Variants in CACUL1 observed in about 807,000 individuals in gnomAD.
CACUL1 encodes CDK2 associated cullin domain 1.
In CACUL1, 13 loss-of-function variants were observed where a neutral mutation model predicts 45.2. That is an observed-to-expected ratio of 0.29 (90% confidence interval 0.19 to 0.46). The LOEUF (loss-of-function observed/expected upper bound fraction) is 0.46. CACUL1 is among the 20% of genes least tolerant of loss of function. The pLI, the probability that CACUL1 is intolerant of heterozygous loss-of-function variation, is 1.00. For synonymous variants in CACUL1, 197 were observed against 174.2 expected (o/e 1.13, Z -1.03); for missense variants, 421 against 471.4 (o/e 0.89, Z 0.99).
Position 118,701,184 on chromosome 10 carries a change from G to A in CACUL1, c.796+122C>T, listed in dbSNP as rs531398673. 1.8e-5 allele frequency: 9 copies of A among 508,368 alleles called. No individual in the cohort carries two copies. The South Asian group carries it at 2.0e-4, about 11-fold the overall frequency. 31.5% of individuals were successfully genotyped at this position (508,368 alleles called of 1,614,324 possible). On this transcript the variant is annotated intron_variant, in intron 5 of 8. Coordinates refer to ENST00000369151, the MANE Select transcript of CACUL1 (RefSeq NM_153810.5). ...TCTCAGGTGGGCTTCAACACTTCCT[G>A]CTATCTGGTTCAGAAGATGTTAACA... is the stretch of plus-strand genomic sequence containing the variant.
At position 118,754,870 on chromosome 10, in the gene CACUL1, T is replaced by A. The variant is rs547570266; in HGVS notation, c.-108A>T. 85 of 1,438,434 alleles carry A rather than the reference T, an allele frequency of 5.9e-5. No individual in the cohort carries two copies. In the African/African-American group the frequency reaches 9.4e-4, roughly 16 times the overall value. The allele number at this position is 1,438,434 out of a possible 1,614,324, so 89.1% of individuals were successfully genotyped here. ...CGAGTTACATCGCCGGCGGCAGGAA[T>A]GGGCGCAGCGGAGAGGGCTGCGGTG... On this transcript the variant is annotated 5_prime_UTR_variant, in exon 1 of 9. Transcript: ENST00000369151.
intron 1 of CACUL1, among the ~76,000 whole-genome samples, chr10:118,733,191 C>A (rs915876304): frequency 6.6e-6 from 1 of 152,166 alleles, no homozygotes; most frequent in African/African-American, 2.4e-5. Context: ...TAAAGTCCTG[C>A]AGTTCTAAGT....
chr10:118,729,517 G>A (rs1845680046), intron 2 of CACUL1, 120 bp from the exon 3 acceptor site: 3 of 684,522 alleles, frequency 4.4e-6, no homozygotes, highest in African/African-American at 3.6e-5. Context: ...CCTTCAAAAA[G>A]TAACCAATCA....
intron 3 of CACUL1, among the ~76,000 whole-genome samples, chr10:118,716,488 G>A (rs1465275106): frequency 6.6e-6 from 1 of 151,952 alleles, no homozygotes; most frequent in African/African-American, 2.4e-5. Flanking sequence ...CCTTGTCACT[G>A]GATACTTAGG....
chr10:118,754,619 A>G lies in CACUL1; in HGVS notation c.144T>C (p.Pro48=). ...PPPPPSSIPA[P]AREPPGGQLL... is the part of the protein sequence containing the mutation. Reference sequence around the variant, plus strand: ...GCTGCCCCCCCGGAGGCTCTCGGGCAGGGGCCGGGATCGACGAGGGGGGCG... The same window carrying G: ...GCTGCCCCCCCGGAGGCTCTCGGGCGGGGGCCGGGATCGACGAGGGGGGCG... The change falls in exon 1 of 9, where the codon CCT becomes CCC. Residue 48 remains proline, a synonymous_variant. Transcript: ENST00000369151. 6.2e-7 allele frequency: 1 copy of G among 1,608,358 alleles called. No individual in the cohort carries two copies. Among genetic ancestry groups the G allele is most frequent in the Non-Finnish European group, 8.5e-7 (1 of 1,177,624 alleles).
At chr10:118,737,101 A>G (rs540656216) in intron 1 of CACUL1, among the ~76,000 whole-genome samples, 11 of 151,596 alleles carry the variant, frequency 7.3e-5, no homozygotes, top group African/African-American at 2.7e-4. Context: ...AAAGCATGAC[A>G]GTACTTTAAC....
chr10:118,739,447 T>C (rs1845771807), intron 1 of CACUL1, among the ~76,000 whole-genome samples: 1 of 152,196 alleles, frequency 6.6e-6, no homozygotes, highest in South Asian at 2.1e-4. Flanking sequence ...ACCTGACTTC[T>C]CCATTTTAAT....
At chr10:118,728,853 G>A (rs1191914575) in intron 3 of CACUL1, among the ~76,000 whole-genome samples, 1 of 152,060 alleles carries the variant, frequency 6.6e-6, no homozygotes, top group Non-Finnish European at 1.5e-5. Context: ...ATTTACAGGA[G>A]GTTTATCAAT....
chr10:118,751,773 T>C (rs532986498), intron 1 of CACUL1, among the ~76,000 whole-genome samples: 15 of 152,342 alleles, frequency 9.8e-5, no homozygotes, highest in African/African-American at 2.9e-4. Context: ...AATTTATAAA[T>C]TGGAGAAAAT....
In CACUL1 at chr10:118,681,181, T is replaced by C. The variant is rs1310813680; in HGVS notation, c.*4947A>G. On this transcript the variant is annotated 3_prime_UTR_variant, in exon 9 of 9. Coordinates refer to ENST00000369151, the MANE Select transcript of CACUL1 (RefSeq NM_153810.5). ...TAAAGAGATGATGTGCAGAACGCCC[T>C]GTGCTGAGCTCACTATGGCTTCTGA... is the stretch of plus-strand genomic sequence containing the variant. 1.3e-5 allele frequency: 2 copies of C among 152,260 alleles called. No homozygotes were observed. Among genetic ancestry groups the C allele is most frequent in the Non-Finnish European group, 2.9e-5 (2 of 68,054 alleles). 9.4% of individuals were successfully genotyped at this position (152,260 alleles called of 1,614,324 possible).
intron 5 of CACUL1, among the ~76,000 whole-genome samples, chr10:118,700,716 C>CAAAAAAAAAAAAAAAAAA (rs59032746): frequency 3.6e-4 from 48 of 132,910 alleles, no homozygotes; most frequent in African/African-American, 1.4e-3. Flanking sequence ...GACTCCGTCT[C>CAAAAAAAAAAAAAAAAAA]AAAAAAAAAA....
chr10:118,701,345 T>C lies in CACUL1; in HGVS notation c.757A>G (p.Thr253Ala). 1 of 1,577,876 alleles carries C rather than the reference T, an allele frequency of 6.3e-7. No individual in the cohort carries two copies. The highest frequency in any genetic ancestry group is 8.7e-7 in the Non-Finnish European group (1 of 1,153,544). ...DLKDDLIKLF[T>A]EHVAEKHIYS... is the part of the protein sequence containing the mutation. ...ATGTGCTTTTCTGCAACATGTTCCG[T>C]AAACAGCTTTATAAGGTCATCTTTT... Residue 253 changes from threonine to alanine, a missense_variant, in exon 5 of 9, where the codon ACG (threonine) becomes GCG (alanine). Thr to Ala is a moderately conservative substitution (Grantham distance 58). This residue lies in a region of CACUL1 where 208 missense variants were observed against 298.4 expected (regional missense o/e 0.70). Coordinates refer to ENST00000369151, the MANE Select transcript of CACUL1 (RefSeq NM_153810.5).
At chr10:118,753,971 T>C (rs906090299) in intron 1 of CACUL1, among the ~76,000 whole-genome samples, 1 of 152,188 alleles carries the variant, frequency 6.6e-6, no homozygotes, top group Non-Finnish European at 1.5e-5. Context: ...CCAGATTTCT[T>C]TTCTCTCTCT....
chr10:118,697,437 G>A (rs938475151), intron 5 of CACUL1, among the ~76,000 whole-genome samples: 3 of 152,154 alleles, frequency 2.0e-5, no homozygotes, highest in African/African-American at 2.4e-5. Flanking sequence ...TCAATAAGCC[G>A]TATAGTTTAA....
At chr10:118,686,291 A>G in intron 8 of CACUL1, 123 bp from the exon 9 acceptor site, 1 of 840,626 alleles carries the variant, frequency 1.2e-6, no homozygotes, top group African/African-American at 1.7e-5. Context: ...GGCTTAAAAA[A>G]AATCCTCAAA....
rs34473974 is a variant in CACUL1, at chr10:118,683,389, C to CAAAAAAAAAAAAAAA, written c.*2724_*2738dup. 1 of 105,744 alleles carries CAAAAAAAAAAAAAAA rather than the reference C, an allele frequency of 9.5e-6. No individual in the cohort carries two copies. Among genetic ancestry groups the CAAAAAAAAAAAAAAA allele is most frequent in the African/African-American group, 4.0e-5 (1 of 25,218 alleles). 6.6% of individuals were successfully genotyped at this position (105,744 alleles called of 1,614,324 possible). The stretch of plus-strand genomic sequence containing the variant: ...ACCATATACTGTACTGGCAAGAATA[C>CAAAAAAAAAAAAAAA]AAAAAAAAAAAAAAAAAAGGCCAGG... On this transcript the variant is annotated 3_prime_UTR_variant, in exon 9 of 9. Transcript: ENST00000369151.
chr10:118,720,649 A>T (rs1165824891), intron 3 of CACUL1, among the ~76,000 whole-genome samples: 1 of 152,198 alleles, frequency 6.6e-6, no homozygotes, highest in Non-Finnish European at 1.5e-5. Context: ...TGCCTCTGGT[A>T]ATGTCAGTGG....
At chr10:118,751,050 C>G (rs1352800250) in intron 1 of CACUL1, among the ~76,000 whole-genome samples, 1 of 152,114 alleles carries the variant, frequency 6.6e-6, no homozygotes. Context: ...TTCATCTCTT[C>G]TTATGCTTTT....
chr10:118,731,039 C>T (rs751970672), intron 1 of CACUL1, among the ~76,000 whole-genome samples: 12 of 152,180 alleles, frequency 7.9e-5, no homozygotes, highest in Non-Finnish European at 1.2e-4. Flanking sequence ...TGGGACCCTG[C>T]GCTGAGGCTT....
Sources: allele counts gnomAD v4.1 joint callset (sites outside exome capture counted in the v4.1 genomes callset), GRCh38; gene constraint gnomAD v4.1.1; regional missense constraint gnomAD v4.1.1; transcripts MANE v1.5; gene names NCBI Gene and HGNC (gene_info 2026-07-23, HGNC 2026-07-21).